ZMAT1: variants seen among roughly 807,000 people sequenced by gnomAD.
The protein encoded by ZMAT1 is zinc finger matrin-type 1, also known as zinc finger matrin-type protein 1.
Under a neutral mutation model 18.5 loss-of-function variants are expected in ZMAT1, and 11 were observed. That is an observed-to-expected ratio of 0.59 (90% confidence interval 0.37 to 0.98). The LOEUF (loss-of-function observed/expected upper bound fraction) is 0.98, where lower values mean the gene tolerates loss of function less well. Among genes scored for constraint, ZMAT1 ranks in the 50% least tolerant of loss-of-function variants. The pLI is 0.01. For synonymous variants in ZMAT1, 211 were observed against 176.4 expected (o/e 1.20, Z -1.55); for missense variants, 525 against 496.2 (o/e 1.06, Z -0.55).
intron 1 of ZMAT1, among the ~76,000 whole-genome samples, chrX:101,925,382 T>C (rs1929995195): frequency 8.9e-6 from 1 of 112,264 alleles, no homozygotes; most frequent in Admixed American, 9.4e-5. Context: ...TTACAAGAAA[T>C]GTTTTCATGA....
intron 1 of ZMAT1, among the ~76,000 whole-genome samples, chrX:101,913,419 C>T (rs755202767): frequency 9.0e-6 from 1 of 111,507 alleles, no homozygotes; most frequent in Admixed American, 9.6e-5. Context: ...AAAAACAAGA[C>T]CCACTGATCT....
chrX:101,929,176 A>C (rs1054348595), intron 1 of ZMAT1, among the ~76,000 whole-genome samples: 3 of 110,070 alleles, frequency 2.7e-5, no homozygotes, highest in African/African-American at 9.9e-5. Flanking sequence ...TAACAGCTAC[A>C]GTTCAAAATG....
chrX:101,885,279 C>A (rs1480246468), intron 5 of ZMAT1, among the ~76,000 whole-genome samples: 6 of 111,925 alleles, frequency 5.4e-5, no homozygotes, highest in African/African-American at 1.9e-4. Context: ...ATTTGAATGT[C>A]ATATCATTTT....
At chrX:101,893,030 G>C (rs1199492709) in intron 4 of ZMAT1, among the ~76,000 whole-genome samples, 1 of 111,760 alleles carries the variant, frequency 8.9e-6, no homozygotes, top group Non-Finnish European at 1.9e-5. Flanking sequence ...CTCTCAAAAT[G>C]AAAGAGCCAA....
At chrX:101,913,444 A>G (rs1291957732) in intron 1 of ZMAT1, among the ~76,000 whole-genome samples, 1 of 111,942 alleles carries the variant, frequency 8.9e-6, no homozygotes, top group Non-Finnish European at 1.9e-5. Context: ...CCTAGAGGAA[A>G]CATACTTTAC....
rs1806942452 is a variant in ZMAT1, at chrX:101,883,113, T to C, written c.*397A>G. ...CTTTCCTGAAGTGACACTGACTGTA[T>C]CTACCTCTCCTTTTCTTCATCTGAT... On this transcript the variant is annotated 3_prime_UTR_variant, in exon 6 of 6. Coordinates refer to ENST00000651725, the MANE Select transcript of ZMAT1 (RefSeq NM_001394560.1). The C allele has an allele frequency of 8.5e-6, 1 of 117,842 alleles. No homozygotes were observed. The highest frequency in any genetic ancestry group is 1.7e-5 in the Non-Finnish European group (1 of 57,631). 9.7% of individuals were successfully genotyped at this position (117,842 alleles called of 1,213,427 possible). A position where few individuals can be genotyped will look rare whatever the true frequency, so the allele number is the denominator to read the frequency against.
Position 101,886,875 on chromosome X carries a change from T to C in ZMAT1, c.677-144A>G. On this transcript the variant is annotated intron_variant, in intron 4 of 5. Coordinates refer to ENST00000651725, the MANE Select transcript of ZMAT1 (RefSeq NM_001394560.1). ...ATGGGGCCCAGAGAGGTCAAATGAC[T>C]TGGTCAAAGTCACAGAGCAAGTTAG... is the stretch of plus-strand genomic sequence containing the variant. The C allele has an allele frequency of 6.7e-6, 3 of 447,643 alleles. No individual in the cohort carries two copies. The South Asian group carries it at 1.2e-4, about 18-fold the overall frequency. 36.9% of individuals were successfully genotyped at this position (447,643 alleles called of 1,213,427 possible).
At chrX:101,909,797 G>C (rs1272720147) in intron 1 of ZMAT1, among the ~76,000 whole-genome samples, 4 of 112,387 alleles carry the variant, frequency 3.6e-5, no homozygotes, top group Non-Finnish European at 7.5e-5. Flanking sequence ...TTTAACTCTA[G>C]TCGCTGACTC....
At chrX:101,919,557 G>A (rs1175277478) in intron 1 of ZMAT1, among the ~76,000 whole-genome samples, 2 of 111,585 alleles carry the variant, frequency 1.8e-5, no homozygotes, top group Non-Finnish European at 3.8e-5. Context: ...TGACAATTTA[G>A]TAAGGAAGAT....
At chrX:101,911,323 T>C (rs1224854715) in intron 1 of ZMAT1, among the ~76,000 whole-genome samples, 2 of 111,391 alleles carry the variant, frequency 1.8e-5, no homozygotes, top group African/African-American at 3.3e-5. Context: ...TAATGAGCAA[T>C]AAATAATCAC....
At chrX:101,922,071 A>G (rs901533910) in intron 1 of ZMAT1, among the ~76,000 whole-genome samples, 1 of 111,497 alleles carries the variant, frequency 9.0e-6, no homozygotes, top group African/African-American at 3.3e-5. Context: ...GAGTCAAACA[A>G]CCATTTCCAG....
intron 1 of ZMAT1, among the ~76,000 whole-genome samples, chrX:101,907,115 C>A (rs1344639329): frequency 1.8e-5 from 2 of 112,116 alleles, no homozygotes; most frequent in African/African-American, 6.5e-5. Context: ...AGCTCCAGGC[C>A]CATGCCAGTG....
At position 101,931,306 on chromosome X, in the gene ZMAT1, G is replaced by C. The variant is rs370295458; in HGVS notation, c.292+411C>G. Among the ~76,000 whole-genome samples, 27 of 111,706 alleles carry C rather than the reference G, an allele frequency of 2.4e-4. 3 individuals are homozygous for C. Among genetic ancestry groups the C allele is most frequent in the East Asian group, 1.7e-3 (6 of 3,542 alleles). ...TCCGCCCCTTTCTCCATCGGTCCCC[G>C]TTCCCTTATCCTTGACCCTCTTGGC... is the stretch of plus-strand genomic sequence containing the variant. On this transcript the variant is annotated intron_variant, in intron 1 of 5. Transcript: ENST00000651725.
rs369485958 is a variant in ZMAT1 at position 101,907,502 on chromosome X, G to A, written c.293-3172C>T. ...TAAGTCCTTACGTTTCTTTAAATGT[G>A]CAGACATTAATGTAAGGCAATGAGA... On this transcript the variant is annotated intron_variant, in intron 1 of 5. Coordinates refer to ENST00000651725, the MANE Select transcript of ZMAT1 (RefSeq NM_001394560.1). 2.8e-4 allele frequency among the ~76,000 whole-genome samples: 31 copies of A among 112,472 alleles called. 3 individuals are homozygous for A. The highest frequency in any genetic ancestry group is 2.5e-3 in the East Asian group (9 of 3,609).
At chrX:101,905,368 T>C (rs1928541190) in intron 1 of ZMAT1, among the ~76,000 whole-genome samples, 2 of 112,558 alleles carry the variant, frequency 1.8e-5, no homozygotes, top group Non-Finnish European at 3.7e-5. Flanking sequence ...TTGAGGTCTA[T>C]AGTGTCATCT....
At position 101,884,540 on chromosome X, in the gene ZMAT1, T is replaced by C; in HGVS notation, c.1058A>G (p.His353Arg). The C allele has an allele frequency of 1.7e-6, 2 of 1,211,497 alleles. No individual in the cohort carries two copies. The highest frequency in any genetic ancestry group is 2.2e-6 in the Non-Finnish European group (2 of 895,301). Residue 353 changes from histidine to arginine, a missense_variant, in exon 6 of 6, where the codon CAT becomes CGT. By Grantham distance (29) the His-to-Arg change is conservative. Coordinates refer to ENST00000651725, the MANE Select transcript of ZMAT1 (RefSeq NM_001394560.1). ...ISQAMEKQLP[H>R]SKKTYDSFQD... ...GAAAGAGTCATATGTCTTCTTTGAA[T>C]GAGGTAACTGCTTTTCCATTGCTTG...
chrX:101,903,929 T>C (rs1928423974), intron 2 of ZMAT1, among the ~76,000 whole-genome samples: 1 of 111,808 alleles, frequency 8.9e-6, no homozygotes, highest in African/African-American at 3.3e-5. Context: ...GCAAGCTTCA[T>C]AATGCCTCAC....
In ZMAT1 at chrX:101,884,734, C is replaced by T. The variant is rs1049816808; in HGVS notation, c.864G>A (p.Gln288=). Residue 288 remains glutamine, a synonymous_variant, in exon 6 of 6, where the codon CAG becomes CAA. Coordinates refer to ENST00000651725, the MANE Select transcript of ZMAT1 (RefSeq NM_001394560.1). ...TCTTGGCCTCTAGTCCTCTGGCTTT[C>T]TGCACATTGATGTAATCTGCACACT... ...QNECADYINV[Q]KARGLEAKTC... is the part of the protein sequence containing the mutation. The T allele has an allele frequency of 1.7e-6, 2 of 1,210,456 alleles. No individual in the cohort carries two copies. The highest frequency in any genetic ancestry group is 2.2e-6 in the Non-Finnish European group (2 of 894,511).
At chrX:101,918,655 T>G (rs760676896) in intron 1 of ZMAT1, 6 of 110,362 alleles carry the variant, frequency 5.4e-5, no homozygotes, top group Non-Finnish European at 9.5e-5. Context: ...AAGTAAAAAT[T>G]AAAAAGAAAG....
Sources: gnomAD v4.1 joint callset for allele counts (sites outside exome capture counted in the v4.1 genomes callset) on GRCh38, gnomAD v4.1.1 for gene constraint, MANE v1.5 for transcripts, NCBI Gene and HGNC (gene_info 2026-07-23, HGNC 2026-07-21) for gene names.